Variants in SMIM24 observed in about 807,000 individuals in gnomAD.
The protein encoded by SMIM24 is MAP17-related dimer.
A neutral mutation model predicts 10.8 loss-of-function variants in SMIM24; 6 were observed. That is an observed-to-expected ratio of 0.55 (90% CI 0.30 to 1.09). SMIM24 has a LOEUF of 1.09. Among genes scored for constraint, SMIM24 ranks in the 50% least tolerant of loss-of-function variants. The pLI is 0.06. For synonymous variants in SMIM24, 71 were observed against 62.4 expected (o/e 1.14, Z -0.65); for missense variants, 151 against 153.4 (o/e 0.98, Z 0.08).
intron 2 of SMIM24, 148 bp from the exon 3 acceptor site, chr19:3,478,626 C>G (rs1023665180): frequency 2.9e-5 from 27 of 921,678 alleles, no homozygotes; most frequent in Non-Finnish European, 3.5e-5. Context: ...GCTGGGCTGC[C>G]TGGCTCGTTG....
At chr19:3,479,668 G>A (rs1245866499) in intron 1 of SMIM24, among the ~76,000 whole-genome samples, 1 of 137,768 alleles carries the variant, frequency 7.3e-6, no homozygotes, top group East Asian at 2.3e-4. Context: ...GAGAAGGAGG[G>A]GCTTACAGAG....
At position 3,480,383 on chromosome 19, in the gene SMIM24, C is replaced by G. The variant is rs887887970; in HGVS notation, c.67+14G>C. 4.6e-6 allele frequency: 7 copies of G among 1,529,924 alleles called. No individual in the cohort carries two copies. The allele number at this position is 1,529,924 out of a possible 1,614,324, so 94.8% of individuals were successfully genotyped here. A position where few individuals can be genotyped will look rare whatever the true frequency, so the allele number is the denominator to read the frequency against. On this transcript the variant is annotated intron_variant, in intron 1 of 3. Coordinates refer to ENST00000215531, the MANE Select transcript of SMIM24 (RefSeq NM_001136503.2). ...CCTATCCCGCGACGCCCCCTCCCGCCCCCCTGCACCTACCCTGCTGGGCCT... is the reference window on the plus strand; with the variant it reads ...CCTATCCCGCGACGCCCCCTCCCGCGCCCCTGCACCTACCCTGCTGGGCCT...
At chr19:3,477,651 T>C (rs1041018961) in intron 3 of SMIM24, among the ~76,000 whole-genome samples, 13 of 125,510 alleles carry the variant, frequency 1.0e-4, no homozygotes, top group Admixed American at 8.1e-5. Flanking sequence ...AGTGGGTGGA[T>C]GGGTGAGTGG....
chr19:3,475,992 T>C (rs1325976986), intron 3 of SMIM24, among the ~76,000 whole-genome samples: 1 of 151,812 alleles, frequency 6.6e-6, no homozygotes, highest in Admixed American at 6.6e-5. Context: ...GATAAATGAA[T>C]ACATTGCAGG....
At chr19:3,477,445 C>T (rs1483848345) in intron 3 of SMIM24, among the ~76,000 whole-genome samples, 5 of 107,048 alleles carry the variant, frequency 4.7e-5, no homozygotes, top group Admixed American at 2.0e-4. Flanking sequence ...GGTGGGTGGG[C>T]AGCTGGGTGA....
At chr19:3,478,983 C>T in intron 1 of SMIM24, 54 bp from the exon 2 acceptor site, 1 of 1,369,360 alleles carries the variant, frequency 7.3e-7, no homozygotes, top group Non-Finnish European at 1.0e-6. Flanking sequence ...AGAAGACCCC[C>T]TTCCCCCACC....
At position 3,478,827 on chromosome 19, in the gene SMIM24, G is replaced by A. The variant is rs1217793308; in HGVS notation, c.170C>T (p.Ser57Phe). 1 of 1,549,266 alleles carries A rather than the reference G, an allele frequency of 6.5e-7. No individual in the cohort carries two copies. The highest frequency in any genetic ancestry group is 8.7e-7 in the Non-Finnish European group (1 of 1,146,466). The change falls in exon 2 of 4, where the codon TCC (serine) becomes TTC (phenylalanine). Residue 57 changes from serine to phenylalanine, a missense_variant. Physicochemically the swap from Ser to Phe is radical, Grantham distance 155. Coordinates refer to ENST00000215531, the MANE Select transcript of SMIM24 (RefSeq NM_001136503.2). ...LVLLANRLWC[S>F]KARAEDEEET... ...GGGGGCGGGCACCCACCTGGCCTTG[G>A]AACACCAGAGGCGGTTGGCCAGCAA...
chr19:3,477,313 A>G (rs1339400541), intron 3 of SMIM24, among the ~76,000 whole-genome samples: 13 of 84,398 alleles, frequency 1.5e-4, no homozygotes, highest in Non-Finnish European at 2.5e-4. Context: ...GATGATAGAC[A>G]GATGGTGGGT....
At position 3,474,751 on chromosome 19, in the gene SMIM24, GT is replaced by G; in HGVS notation, c.*91del. 2 of 1,427,524 alleles carry G rather than the reference GT, an allele frequency of 1.4e-6. No homozygotes were observed. The highest frequency in any genetic ancestry group is 2.9e-5 in the African/African-American group (2 of 69,264). The allele number at this position is 1,427,524 out of a possible 1,614,324, so 88.4% of individuals were successfully genotyped here. A position where few individuals can be genotyped will look rare whatever the true frequency, so the allele number is the denominator to read the frequency against. ...CACTGTATTCTGAATCCCAGATGGA[GT>G]CATTTCACGGGCTTCAAGTCCAGGG... is the stretch of plus-strand genomic sequence containing the variant. On this transcript the variant is annotated 3_prime_UTR_variant, in exon 4 of 4. Transcript: ENST00000215531.
At position 3,478,811 on chromosome 19, in the gene SMIM24, C is replaced by T; in HGVS notation, c.179+7G>A. ...GTGGGGGCAGCGGGGTGGGGGCGGGCACCCACCTGGCCTTGGAACACCAGA... is the reference window on the plus strand; with the variant it reads ...GTGGGGGCAGCGGGGTGGGGGCGGGTACCCACCTGGCCTTGGAACACCAGA... On this transcript the variant is annotated splice_region_variant and intron_variant, in intron 2 of 3. Coordinates refer to ENST00000215531, the MANE Select transcript of SMIM24 (RefSeq NM_001136503.2). 1.3e-6 allele frequency: 2 copies of T among 1,544,736 alleles called. No homozygotes were observed. Among genetic ancestry groups the T allele is most frequent in the Non-Finnish European group, 8.7e-7 (1 of 1,144,004 alleles).
intron 3 of SMIM24, 26 bp downstream of exon 3, chr19:3,478,393 A>AC: frequency 6.5e-7 from 1 of 1,543,658 alleles, no homozygotes; most frequent in Non-Finnish European, 8.7e-7. Flanking sequence ...GTTCACACAG[A>AC]CCCCCAGCAT....
At chr19:3,479,056 G>A in intron 1 of SMIM24, 127 bp from the exon 2 acceptor site, 2 of 723,200 alleles carry the variant, frequency 2.8e-6, no homozygotes, top group Non-Finnish European at 4.6e-6. Context: ...ATTGGAAAGG[G>A]ACGGAGCTTC....
At chr19:3,478,795 G>A (rs757371278) in intron 2 of SMIM24, 23 bp downstream of exon 2, 55 of 1,521,530 alleles carry the variant, frequency 3.6e-5, no homozygotes, top group Non-Finnish European at 4.5e-5. Flanking sequence ...TGTGGGGGCA[G>A]CGGGGTGGGG....
At chr19:3,475,931 A>G (rs1028458773) in intron 3 of SMIM24, among the ~76,000 whole-genome samples, 3 of 151,974 alleles carry the variant, frequency 2.0e-5, no homozygotes, top group Non-Finnish European at 2.9e-5. Context: ...TGAGTAGATA[A>G]GTAGTTACAT....
chr19:3,480,384 C>G lies in SMIM24; in HGVS notation c.67+13G>C. 6.5e-7 allele frequency: 1 copy of G among 1,545,064 alleles called. No homozygotes were observed. Among genetic ancestry groups the G allele is most frequent in the Non-Finnish European group, 8.7e-7 (1 of 1,143,632 alleles). ...CTATCCCGCGACGCCCCCTCCCGCC[C>G]CCCTGCACCTACCCTGCTGGGCCTC... On this transcript the variant is annotated intron_variant, in intron 1 of 3. Transcript: ENST00000215531.
At chr19:3,480,015 C>G (rs1379752959) in intron 1 of SMIM24, among the ~76,000 whole-genome samples, 1 of 143,620 alleles carries the variant, frequency 7.0e-6, no homozygotes, top group Non-Finnish European at 1.5e-5. Context: ...GGAGGAGGGG[C>G]TCGGGGAGGG....
Position 3,474,897 on chromosome 19 carries a change from A to T in SMIM24, c.339T>A (p.Asp113Glu), listed in dbSNP as rs1221547907. 4.5e-6 allele frequency: 7 copies of T among 1,551,500 alleles called. No individual in the cohort carries two copies. The Middle Eastern group carries it at 5.0e-4, about 111-fold the overall frequency. The stretch of plus-strand genomic sequence containing the variant: ...GGTCTCCGGGCTCTTTTTCCTCCAG[A>T]TCCAGTCCCAAGTTGCTCTCTCCTT... ...AKEGESNLGL[D>E]LEEKEPGDHE... The change falls in exon 4 of 4, where the codon GAT becomes GAA. Residue 113 changes from aspartate to glutamate, a missense_variant. Physicochemically the swap from Asp to Glu is conservative, Grantham distance 45. Transcript: ENST00000215531.
intron 3 of SMIM24, 129 bp from the exon 4 acceptor site, chr19:3,475,125 CCTAA>C: frequency 2.7e-6 from 3 of 1,093,580 alleles, no homozygotes; most frequent in Non-Finnish European, 3.8e-6. Context: ...TCAAAATAAC[CCTAA>C]CTACGCGGCC....
rs1290631627 is a variant in SMIM24 at position 3,478,865 on chromosome 19, G to A, written c.132C>T (p.Ile44=). 3.2e-6 allele frequency: 5 copies of A among 1,549,816 alleles called. No homozygotes were observed. In the African/African-American group the frequency reaches 6.9e-5, roughly 21 times the overall value. The change falls in exon 2 of 4, where the codon ATC becomes ATT. Residue 44 remains isoleucine (I), a synonymous_variant. Transcript: ENST00000215531. ...GGTTGGCCAGCAAGACCAAATAGAC[G>A]ATGAACAGGAAGCCGACTACCGCAG... ...GLAAVVGFLF[I]VYLVLLANRL...
Sources: allele counts gnomAD v4.1 joint callset (sites outside exome capture counted in the v4.1 genomes callset), GRCh38; gene constraint gnomAD v4.1.1; transcripts MANE v1.5; gene names NCBI Gene and HGNC (gene_info 2026-07-23, HGNC 2026-07-21).